RPS6KA5: variants seen among roughly 807,000 people sequenced by gnomAD.
RPS6KA5 encodes the protein ribosomal protein S6 kinase alpha-5.
A neutral mutation model predicts 85.5 loss-of-function variants in RPS6KA5; 27 were observed. That is an observed-to-expected ratio of 0.32 (90% CI 0.23 to 0.44). The LOEUF is 0.44. Ranked by LOEUF, RPS6KA5 falls within the 20% of genes least tolerant of loss-of-function variation. The probability of loss-of-function intolerance (pLI) is 1.00; values close to 1 mark genes in which losing one functional copy is unlikely to be tolerated. For missense variants in RPS6KA5, 811 were observed against 980.9 expected, an observed-to-expected ratio of 0.83 and a Z score of 2.31; for synonymous variants, 334 against 348.2, an observed-to-expected ratio of 0.96 and a Z score of 0.46.
At position 90,863,302 on chromosome 14, in the gene RPS6KA5, C is replaced by CAAAAAAAAAAAAAAAA. The variant is rs61230626; in HGVS notation, c.*8756_*8771dup. 13 of 24,792 alleles carry CAAAAAAAAAAAAAAAA rather than the reference C, an allele frequency of 5.2e-4. No homozygotes were observed. The highest frequency in any genetic ancestry group is 2.3e-3 in the Admixed American group (3 of 1,330). The allele number at this position is 24,792 out of a possible 1,614,324, so 1.5% of individuals were successfully genotyped here. On this transcript the variant is annotated 3_prime_UTR_variant, in exon 17 of 17. Transcript: ENST00000614987. ...TGGGTGGCAGAGCGAGACTCCGTCT[C>CAAAAAAAAAAAAAAAA]AAAAAAAAAAAAAAAAAAAAAAAAA...
In RPS6KA5 at chr14:90,932,611, A is replaced by T. The variant is rs539857432; in HGVS notation, c.619-9415T>A. ...TTCCTCATACTCAGTGAGAAAACAG[A>T]AGACCTTCTATAAGCTGCCAGTACA... On this transcript the variant is annotated intron_variant, in intron 5 of 16. Transcript: ENST00000614987. Among the ~76,000 whole-genome samples the T allele has an allele frequency of 3.7e-4, 56 of 152,314 alleles. No individual in the cohort carries two copies. The South Asian group carries it at 0.011, about 30-fold the overall frequency.
chr14:90,968,968 T>C (rs534371425), intron 3 of RPS6KA5, among the ~76,000 whole-genome samples: 1 of 152,352 alleles, frequency 6.6e-6, no homozygotes, highest in South Asian at 2.1e-4. Context: ...CAATGACACA[T>C]AATTTATGCA....
chr14:90,969,770 C>T (rs1023247161), intron 3 of RPS6KA5, among the ~76,000 whole-genome samples: 4 of 152,196 alleles, frequency 2.6e-5, no homozygotes, highest in Non-Finnish European at 5.9e-5. Context: ...ATTTCTCTCT[C>T]TCATATTTCT....
intron 1 of RPS6KA5, among the ~76,000 whole-genome samples, chr14:91,012,245 C>T (rs952437667): frequency 6.6e-6 from 1 of 152,162 alleles, no homozygotes; most frequent in Non-Finnish European, 1.5e-5. Context: ...TCACTTTCTC[C>T]GTTCCAACAC....
intron 2 of RPS6KA5, among the ~76,000 whole-genome samples, chr14:90,999,941 A>G (rs757390898): frequency 3.9e-5 from 6 of 152,206 alleles, no homozygotes; most frequent in Non-Finnish European, 5.9e-5. Context: ...TTTAGTGTAT[A>G]TAACCATGTA....
intron 5 of RPS6KA5, among the ~76,000 whole-genome samples, chr14:90,936,457 G>A (rs2037261127): frequency 6.6e-6 from 1 of 152,136 alleles, no homozygotes; most frequent in Non-Finnish European, 1.5e-5. Flanking sequence ...CCAGCTACTT[G>A]GGAGTCTGAG....
intron 3 of RPS6KA5, among the ~76,000 whole-genome samples, chr14:90,957,504 C>T (rs1233094388): frequency 6.6e-6 from 1 of 152,206 alleles, no homozygotes; most frequent in Non-Finnish European, 1.5e-5. Context: ...TCTAGCAGGG[C>T]TCTCTTTGCA....
chr14:90,962,805 C>A (rs531791793), intron 3 of RPS6KA5, among the ~76,000 whole-genome samples: 1 of 152,238 alleles, frequency 6.6e-6, no homozygotes, highest in African/African-American at 2.4e-5. Context: ...CTTTAGCATT[C>A]TTTCTGTTTT....
At chr14:90,962,831 T>C (rs1364636787) in intron 3 of RPS6KA5, among the ~76,000 whole-genome samples, 2 of 152,204 alleles carry the variant, frequency 1.3e-5, no homozygotes, top group Non-Finnish European at 2.9e-5. Context: ...ATGTGCATAT[T>C]TTTCCTGAAC....
At chr14:90,876,497 A>G (rs1481473354) in intron 14 of RPS6KA5, among the ~76,000 whole-genome samples, 1 of 152,240 alleles carries the variant, frequency 6.6e-6, no homozygotes. Context: ...AGTTAACAGA[A>G]TAACAAACAA....
At chr14:90,929,464 C>T (rs2036858084) in intron 5 of RPS6KA5, among the ~76,000 whole-genome samples, 1 of 152,016 alleles carries the variant, frequency 6.6e-6, no homozygotes, top group African/African-American at 2.4e-5. Context: ...TTCCTAAGCT[C>T]TGGCAAGAAA....
At chr14:90,923,281 G>T in intron 5 of RPS6KA5, 85 bp from the exon 6 acceptor site, 2 of 1,051,336 alleles carry the variant, frequency 1.9e-6, no homozygotes, top group East Asian at 2.4e-5. Context: ...GTTAGTGGTT[G>T]AGATACACTA....
Position 90,899,319 on chromosome 14 carries a change from AG to A in RPS6KA5, c.1473+9del. 7 of 1,530,830 alleles carry A rather than the reference AG, an allele frequency of 4.6e-6. No individual in the cohort carries two copies. Among genetic ancestry groups the A allele is most frequent in the East Asian group, 2.3e-5 (1 of 44,206 alleles). The allele number at this position is 1,530,830 out of a possible 1,614,324, so 94.8% of individuals were successfully genotyped here. A position where few individuals can be genotyped will look rare whatever the true frequency, so the allele number is the denominator to read the frequency against. On this transcript the variant is annotated intron_variant, in intron 12 of 16. Coordinates refer to ENST00000614987, the MANE Select transcript of RPS6KA5 (RefSeq NM_004755.4). ...ACACATGGGAAAAAAAAAAAAAAAA[AG>A]TAGGATACCTGATCATGAAAAACTT...
At chr14:90,877,507 G>A (rs537368871) in intron 14 of RPS6KA5, among the ~76,000 whole-genome samples, 2 of 152,284 alleles carry the variant, frequency 1.3e-5, no homozygotes, top group East Asian at 3.9e-4. Flanking sequence ...AGACACCAGA[G>A]TAACAGTCAT....
At chr14:90,886,856 G>A (rs915429087) in intron 14 of RPS6KA5, among the ~76,000 whole-genome samples, 3 of 152,168 alleles carry the variant, frequency 2.0e-5, no homozygotes, top group South Asian at 2.1e-4. Flanking sequence ...ATAATGGGTT[G>A]TAATCAAAAC....
intron 3 of RPS6KA5, among the ~76,000 whole-genome samples, chr14:90,977,563 A>G (rs1401522837): frequency 3.9e-5 from 6 of 152,092 alleles, no homozygotes; most frequent in African/African-American, 1.5e-4. Context: ...CTAGGAACAG[A>G]AGTCTTTTCT....
At chr14:90,876,779 G>A (rs942497191) in intron 14 of RPS6KA5, among the ~76,000 whole-genome samples, 3 of 152,204 alleles carry the variant, frequency 2.0e-5, no homozygotes. Context: ...CACTTAGGAA[G>A]GGACATGGAG....
In RPS6KA5 at chr14:90,947,187, T is replaced by C. The variant is rs982865736; in HGVS notation, c.510+248A>G. On this transcript the variant is annotated intron_variant, in intron 4 of 16. Transcript: ENST00000614987. ...AATGATACTTTGTAACAAATAAGCA[T>C]TAGGATTTTTCAGGATAAAAGCCAA... 3.9e-5 allele frequency among the ~76,000 whole-genome samples: 6 copies of C among 152,344 alleles called. No individual in the cohort carries two copies. The South Asian group carries it at 1.2e-3, about 32-fold the overall frequency.
At chr14:91,049,355 C>T (rs2042981006) in intron 1 of RPS6KA5, among the ~76,000 whole-genome samples, 1 of 152,206 alleles carries the variant, frequency 6.6e-6, no homozygotes, top group Non-Finnish European at 1.5e-5. Context: ...TGGCTCACGC[C>T]TGTAATCCCA....
Sources: gnomAD v4.1 joint callset for allele counts (sites outside exome capture counted in the v4.1 genomes callset) on GRCh38, gnomAD v4.1.1 for gene constraint, MANE v1.5 for transcripts, NCBI Gene and HGNC (gene_info 2026-07-23, HGNC 2026-07-21) for gene names.